The following PROS1 variants were observed in gnomAD, a reference collection of about 807,000 sequenced individuals.
PROS1 encodes the protein protein S.
Under a neutral mutation model 75.9 loss-of-function variants are expected in PROS1, and 29 were observed. That is an observed-to-expected ratio of 0.38 (90% CI 0.28 to 0.52). The LOEUF (loss-of-function observed/expected upper bound fraction) is 0.52, where lower values mean the gene tolerates loss of function less well. PROS1 is among the 20% of genes least tolerant of loss of function. PROS1 has a pLI of 0.83. For synonymous variants in PROS1, 245 were observed against 280.6 expected, an observed-to-expected ratio of 0.87 and a Z score of 1.27; for missense variants, 680 against 810.3, an observed-to-expected ratio of 0.84 and a Z score of 1.95.
intron 7 of PROS1, among the ~76,000 whole-genome samples, chr3:93,900,404 G>GT (rs1250681438): frequency 6.6e-6 from 1 of 152,072 alleles, no homozygotes; most frequent in African/African-American, 2.4e-5. Context: ...AAAAACTAAA[G>GT]TTTTAACCAT....
At chr3:93,942,596 A>G (rs1348987945) in intron 1 of PROS1, among the ~76,000 whole-genome samples, 2 of 151,968 alleles carry the variant, frequency 1.3e-5, no homozygotes, top group African/African-American at 4.8e-5. Flanking sequence ...CTATTCCCCC[A>G]CTGAAACGTT....
chr3:93,899,202 C>T (rs1458707273), intron 7 of PROS1, among the ~76,000 whole-genome samples: 1 of 150,266 alleles, frequency 6.7e-6, no homozygotes, highest in African/African-American at 2.4e-5. Context: ...ATTATGAAAT[C>T]TTCTATATGG....
At chr3:93,931,320 T>C (rs1424154009) in intron 1 of PROS1, among the ~76,000 whole-genome samples, 1 of 152,212 alleles carries the variant, frequency 6.6e-6, no homozygotes, top group African/African-American at 2.4e-5. Flanking sequence ...ACTTTTTTCA[T>C]TTACATATTT....
In PROS1 at chr3:93,879,294, C is replaced by G. The variant is rs185502739; in HGVS notation, c.1513G>C (p.Gly505Arg). 5.6e-6 allele frequency: 9 copies of G among 1,613,838 alleles called. No individual in the cohort carries two copies. The highest frequency in any genetic ancestry group is 5.3e-5 in the African/African-American group (4 of 74,898). The change falls in exon 13 of 15, where the codon GGT becomes CGT. Residue 505 changes from glycine (G) to arginine (R), a missense_variant. Transcript: ENST00000394236. ...IDYNNVSSAEGWHVNVTLNIR... is the reference protein window; with the variant it reads ...IDYNNVSSAERWHVNVTLNIR... ...TTCAAGGTCACATTTACATGCCAACCCTCAGCACTGGATACATTATCTATT... is the reference window on the plus strand; with the variant it reads ...TTCAAGGTCACATTTACATGCCAACGCTCAGCACTGGATACATTATCTATT...
intron 1 of PROS1, among the ~76,000 whole-genome samples, chr3:93,948,546 T>A (rs528275887): frequency 6.6e-6 from 1 of 152,150 alleles, no homozygotes; most frequent in East Asian, 1.9e-4. Context: ...GGAGTCTAAG[T>A]CTCTTTTATG....
rs546286789 is a variant in PROS1, at chr3:93,956,124, T to C, written c.76+17550A>G. On this transcript the variant is annotated intron_variant, in intron 1 of 14. Coordinates refer to ENST00000394236, the MANE Select transcript of PROS1 (RefSeq NM_000313.4). ...ATTCAGAAGCACTTATTTTAATAATTTTCATAATGCTATTCAAAGGTATCT... is the reference window on the plus strand; with the variant it reads ...ATTCAGAAGCACTTATTTTAATAATCTTCATAATGCTATTCAAAGGTATCT... 6.6e-5 allele frequency among the ~76,000 whole-genome samples: 10 copies of C among 152,242 alleles called. No individual in the cohort carries two copies. The South Asian group carries it at 2.1e-3, about 32-fold the overall frequency.
intron 3 of PROS1, among the ~76,000 whole-genome samples, chr3:93,915,729 A>G (rs1406427635): frequency 6.6e-6 from 1 of 152,056 alleles, no homozygotes; most frequent in Non-Finnish European, 1.5e-5. Flanking sequence ...CAATCTAATC[A>G]TGACACTTAA....
rs8178667 is a variant in PROS1, at chr3:93,885,282, G to C, written c.1324-386C>G. ...TGAGATGGAGTCTTGCTGGAGTGCA[G>C]TGGCAGGATCTTGGCTCACTGCAAC... On this transcript the variant is annotated intron_variant, in intron 11 of 14. Coordinates refer to ENST00000394236, the MANE Select transcript of PROS1 (RefSeq NM_000313.4). Among the ~76,000 whole-genome samples the C allele has an allele frequency of 3.7e-4, 56 of 152,296 alleles. No homozygotes were observed. In the East Asian group the frequency reaches 0.01, roughly 28 times the overall value.
intron 4 of PROS1, among the ~76,000 whole-genome samples, chr3:93,908,264 T>G (rs1708705874): frequency 6.6e-6 from 1 of 152,152 alleles, no homozygotes; most frequent in African/African-American, 2.4e-5. Flanking sequence ...TTTCAAATAT[T>G]GGAGAACAGG....
chr3:93,966,907 T>C (rs1253452490), intron 1 of PROS1, among the ~76,000 whole-genome samples: 2 of 152,148 alleles, frequency 1.3e-5, no homozygotes, highest in Non-Finnish European at 2.9e-5. Context: ...TGTTCCTTCA[T>C]TGTTTCTCAA....
chr3:93,913,947 C>CA, intron 3 of PROS1, among the ~76,000 whole-genome samples: 1 of 152,318 alleles, frequency 6.6e-6, no homozygotes, highest in African/African-American at 2.4e-5. Context: ...CTAAGGAAGT[C>CA]CAAAACCCAT....
chr3:93,917,303 T>C (rs1708871201), intron 3 of PROS1, among the ~76,000 whole-genome samples: 1 of 152,222 alleles, frequency 6.6e-6, no homozygotes, highest in Admixed American at 6.5e-5. Context: ...TTGTTTTTTG[T>C]TTCTTTGTTT....
intron 13 of PROS1, 49 bp downstream of exon 13, chr3:93,879,114 A>T: frequency 6.5e-7 from 1 of 1,542,370 alleles, no homozygotes; most frequent in Admixed American, 1.8e-5. Flanking sequence ...TATACATTTT[A>T]AAAAATGAAA....
intron 1 of PROS1, among the ~76,000 whole-genome samples, chr3:93,949,706 A>C (rs1709462235): frequency 6.6e-6 from 1 of 152,236 alleles, no homozygotes; most frequent in African/African-American, 2.4e-5. Context: ...AGTTGAAAGA[A>C]ACGAGAAAGG....
intron 1 of PROS1, among the ~76,000 whole-genome samples, chr3:93,931,243 C>T (rs1234234616): frequency 6.6e-6 from 1 of 152,132 alleles, no homozygotes; most frequent in East Asian, 1.9e-4. Flanking sequence ...TATACCCATC[C>T]CCTTAGCCCA....
chr3:93,964,813 G>A (rs1028289317), intron 1 of PROS1, among the ~76,000 whole-genome samples: 5 of 152,138 alleles, frequency 3.3e-5, no homozygotes, highest in African/African-American at 1.2e-4. Flanking sequence ...CGGAGGTGCA[G>A]CTGTAAAATT....
intron 6 of PROS1, among the ~76,000 whole-genome samples, chr3:93,902,621 C>T (rs1455998626): frequency 2.6e-5 from 4 of 151,794 alleles, no homozygotes; most frequent in Admixed American, 2.6e-4. Flanking sequence ...GGCGTGGTGG[C>T]ATGCGTCTGT....
rs759298994 is a variant in PROS1 at position 93,973,758 on chromosome 3, G to T, written c.-9C>A. The T allele has an allele frequency of 1.2e-6, 2 of 1,609,182 alleles. No homozygotes were observed. Among genetic ancestry groups the T allele is most frequent in the Admixed American group, 1.7e-5 (1 of 59,478 alleles). The stretch of plus-strand genomic sequence containing the variant: ...CCACCCAGGACCCTCATTTCGAAGC[G>T]CGCGGAGGCGCCGGCAGGGACGGTG... On this transcript the variant is annotated 5_prime_UTR_variant, in exon 1 of 15. Coordinates refer to ENST00000394236, the MANE Select transcript of PROS1 (RefSeq NM_000313.4).
intron 12 of PROS1, among the ~76,000 whole-genome samples, chr3:93,881,793 C>G (rs1313257797): frequency 6.6e-6 from 1 of 152,066 alleles, no homozygotes; most frequent in Non-Finnish European, 1.5e-5. Context: ...CTCTTGGGCT[C>G]TAGCTCTTTG....
Sources: gnomAD v4.1 joint callset for allele counts (sites outside exome capture counted in the v4.1 genomes callset) on GRCh38, gnomAD v4.1.1 for gene constraint, MANE v1.5 for transcripts, NCBI Gene and HGNC (gene_info 2026-07-23, HGNC 2026-07-21) for gene names.